The following CNTNAP2 variants were observed in gnomAD, a reference collection of about 807,000 sequenced individuals.
The protein encoded by CNTNAP2 is contactin-associated protein-like 2.
A neutral mutation model predicts 155.2 loss-of-function variants in CNTNAP2; 98 were observed. The ratio of observed to expected loss-of-function variants is 0.63; its 90% CI spans 0.54 to 0.75. The LOEUF is 0.75. Ranked by LOEUF, CNTNAP2 falls within the 30% of genes least tolerant of loss-of-function variation. The pLI, the probability that CNTNAP2 is intolerant of heterozygous loss-of-function variation, is 0.00. For missense variants in CNTNAP2, 1,727 were observed against 1,688.1 expected (o/e 1.02, Z -0.40); for synonymous variants, 651 against 631.2 (o/e 1.03, Z -0.47).
chr7:146,970,153 A>G (rs1351182881), intron 3 of CNTNAP2, among the ~76,000 whole-genome samples: 1 of 152,222 alleles, frequency 6.6e-6, no homozygotes, highest in Non-Finnish European at 1.5e-5. Flanking sequence ...GGCATGGGCA[A>G]GGACTTCATG....
chr7:148,290,668 G>A (rs1370582915), intron 21 of CNTNAP2, among the ~76,000 whole-genome samples: 1 of 152,160 alleles, frequency 6.6e-6, no homozygotes, highest in Non-Finnish European at 1.5e-5. Context: ...AATTTCTGCG[G>A]CAGATTCATT....
rs988782311 is a variant in CNTNAP2, at chr7:147,149,234, T to C, written c.1348+16725T>C. On this transcript the variant is annotated intron_variant, in intron 8 of 23. Transcript: ENST00000361727. ...AGACACAGAGTGCTGATTGGTGCATTTTTACAGAGTTCTGATTGATGCATT... is the reference window on the plus strand; with the variant it reads ...AGACACAGAGTGCTGATTGGTGCATCTTTACAGAGTTCTGATTGATGCATT... Among the ~76,000 whole-genome samples the C allele has an allele frequency of 2.0e-5, 3 of 152,266 alleles. No homozygotes were observed. In the South Asian group the frequency reaches 6.2e-4, roughly 32 times the overall value.
At chr7:146,348,350 G>A (rs1402199626) in intron 1 of CNTNAP2, among the ~76,000 whole-genome samples, 1 of 152,138 alleles carries the variant, frequency 6.6e-6, no homozygotes, top group Non-Finnish European at 1.5e-5. Flanking sequence ...GCTTGAACCT[G>A]GGAAGTGAAG....
chr7:147,580,580 G>C (rs543444631), intron 12 of CNTNAP2, among the ~76,000 whole-genome samples: 1 of 151,276 alleles, frequency 6.6e-6, no homozygotes, highest in South Asian at 2.1e-4. Flanking sequence ...TATTTCCATC[G>C]GTTTGCAAAA....
chr7:147,548,535 A>T (rs1349452345), intron 11 of CNTNAP2, among the ~76,000 whole-genome samples: 1 of 151,512 alleles, frequency 6.6e-6, no homozygotes, highest in Admixed American at 6.6e-5. Flanking sequence ...GATTCCAAAA[A>T]TTTTCTCCCA....
chr7:146,129,898 A>T (rs1359611261), intron 1 of CNTNAP2, among the ~76,000 whole-genome samples: 1 of 152,190 alleles, frequency 6.6e-6, no homozygotes, highest in Non-Finnish European at 1.5e-5. Context: ...TCAGTGAGTG[A>T]TTAAGGAAAC....
chr7:147,889,771 T>C (rs1452231652), intron 13 of CNTNAP2, among the ~76,000 whole-genome samples: 2 of 152,192 alleles, frequency 1.3e-5, no homozygotes, highest in African/African-American at 2.4e-5. Context: ...ACTGAAAAAC[T>C]AAATTTTAAA....
In CNTNAP2 at chr7:146,151,654, ATATATATATATATATATATATATATATG is replaced by A. The variant is rs1357873073; in HGVS notation, c.97+34697_97+34724del. Among the ~76,000 whole-genome samples, 5 of 32,318 alleles carry A rather than the reference ATATATATATATATATATATATATATATG, an allele frequency of 1.5e-4. 1 individual carries two copies. Among genetic ancestry groups the A allele is most frequent in the South Asian group, 2.7e-3 (2 of 740 alleles). The allele number at this position is 32,318 out of a possible 152,430, so 21.2% of individuals were successfully genotyped here. The stretch of plus-strand genomic sequence containing the variant: ...AAACGTGATATATATATATATATAT[ATATATATATATATATATATATATATATG>A]TATATATATATATATGTATATATAT... On this transcript the variant is annotated intron_variant, in intron 1 of 23. Transcript: ENST00000361727.
At chr7:146,477,212 G>A (rs1437039019) in intron 1 of CNTNAP2, among the ~76,000 whole-genome samples, 1 of 152,100 alleles carries the variant, frequency 6.6e-6, no homozygotes, top group East Asian at 1.9e-4. Flanking sequence ...TCATGAAATT[G>A]AGGAAACGAA....
chr7:146,920,022 T>C (rs1049462766), intron 3 of CNTNAP2, among the ~76,000 whole-genome samples: 26 of 152,148 alleles, frequency 1.7e-4, no homozygotes, highest in Non-Finnish European at 2.4e-4. Flanking sequence ...TAATACATAA[T>C]AATAAGATTT....
At chr7:147,494,062 G>C (rs916353351) in intron 11 of CNTNAP2, among the ~76,000 whole-genome samples, 1 of 151,702 alleles carries the variant, frequency 6.6e-6, no homozygotes, top group Non-Finnish European at 1.5e-5. Flanking sequence ...TGGGAGCTAA[G>C]GGAAATAATG....
At chr7:147,934,125 C>G (rs183971204) in intron 14 of CNTNAP2, among the ~76,000 whole-genome samples, 1 of 152,114 alleles carries the variant, frequency 6.6e-6, no homozygotes, top group Admixed American at 6.6e-5. Flanking sequence ...GGGTATACAA[C>G]GTAGTGCTTA....
chr7:147,216,364 T>A (rs1389804488), intron 8 of CNTNAP2, among the ~76,000 whole-genome samples: 1 of 152,088 alleles, frequency 6.6e-6, no homozygotes, highest in Non-Finnish European at 1.5e-5. Context: ...TTGTGAAGGA[T>A]ATAAGGTCTA....
At chr7:146,798,293 A>G (rs892986909) in intron 2 of CNTNAP2, among the ~76,000 whole-genome samples, 3 of 151,338 alleles carry the variant, frequency 2.0e-5, no homozygotes, top group African/African-American at 7.3e-5. Flanking sequence ...AAAAAAAAAG[A>G]CTTTTTTTGT....
intron 1 of CNTNAP2, among the ~76,000 whole-genome samples, chr7:146,495,464 T>C (rs144148557): frequency 2.0e-5 from 3 of 152,128 alleles, no homozygotes; most frequent in Non-Finnish European, 4.4e-5. Flanking sequence ...GTGAATCACT[T>C]TCATCTCCTC....
chr7:146,615,059 G>A (rs1242044443), intron 1 of CNTNAP2, among the ~76,000 whole-genome samples: 1 of 152,098 alleles, frequency 6.6e-6, no homozygotes, highest in Non-Finnish European at 1.5e-5. Flanking sequence ...GTGATTTGGG[G>A]GAAGGAGAGC....
At chr7:147,044,304 G>A (rs895775281) in intron 4 of CNTNAP2, among the ~76,000 whole-genome samples, 5 of 151,798 alleles carry the variant, frequency 3.3e-5, no homozygotes, top group African/African-American at 1.2e-4. Context: ...TATACTTTAG[G>A]TTGAAGATTT....
At chr7:147,873,638 C>G (rs1585003813) in intron 13 of CNTNAP2, among the ~76,000 whole-genome samples, 1 of 152,250 alleles carries the variant, frequency 6.6e-6, no homozygotes, top group East Asian at 1.9e-4. Flanking sequence ...GGGACACAGC[C>G]AAACTATATC....
At chr7:146,872,745 T>C (rs898815915) in intron 3 of CNTNAP2, among the ~76,000 whole-genome samples, 1 of 152,210 alleles carries the variant, frequency 6.6e-6, no homozygotes, top group African/African-American at 2.4e-5. Flanking sequence ...TTAGAAATAC[T>C]GTATGCACAA....
Sources: gnomAD v4.1 joint callset for allele counts (sites outside exome capture counted in the v4.1 genomes callset) on GRCh38, gnomAD v4.1.1 for gene constraint, MANE v1.5 for transcripts, NCBI Gene and HGNC (gene_info 2026-07-23, HGNC 2026-07-21) for gene names.